The following NSRP1 variants were observed in gnomAD, a reference collection of about 807,000 sequenced individuals.
NSRP1 encodes the protein coiled-coil domain containing 55.
A neutral mutation model predicts 54.7 loss-of-function variants in NSRP1; 24 were observed. The ratio of observed to expected loss-of-function variants is 0.44; its 90% CI spans 0.32 to 0.62. The LOEUF (loss-of-function observed/expected upper bound fraction) is 0.62. Ranked by LOEUF, NSRP1 falls within the 20% of genes least tolerant of loss-of-function variation. The pLI, the probability that NSRP1 is intolerant of heterozygous loss-of-function variation, is 0.06. For missense variants in NSRP1, 596 were observed against 651.2 expected, an observed-to-expected ratio of 0.92 and a Z score of 0.92; for synonymous variants, 210 against 213.8, an observed-to-expected ratio of 0.98 and a Z score of 0.15.
chr17:30,133,169 T>C (rs1777184432), intron 2 of NSRP1, among the ~76,000 whole-genome samples: 1 of 150,352 alleles, frequency 6.7e-6, no homozygotes. Context: ...CCCAGTATGG[T>C]CTCAAACTCC....
At chr17:30,177,256 A>G (rs545721753) in intron 3 of NSRP1, among the ~76,000 whole-genome samples, 8 of 152,204 alleles carry the variant, frequency 5.3e-5, no homozygotes, top group Admixed American at 5.2e-4. Flanking sequence ...CTGTAGTCCC[A>G]GCTACTTGGG....
At chr17:30,179,048 C>T in intron 4 of NSRP1, 42 bp from the exon 5 acceptor site, 4 of 1,199,840 alleles carry the variant, frequency 3.3e-6, no homozygotes, top group South Asian at 4.1e-5. Flanking sequence ...TTAACAATTA[C>T]TATTTTTTTA....
chr17:30,151,275 A>T (rs2071906770), intron 2 of NSRP1, among the ~76,000 whole-genome samples: 1 of 152,166 alleles, frequency 6.6e-6, no homozygotes, highest in African/African-American at 2.4e-5. Context: ...CATGATTGCA[A>T]ATACAGTTGA....
At chr17:30,142,227 G>A (rs2071811834) in intron 2 of NSRP1, among the ~76,000 whole-genome samples, 3 of 152,026 alleles carry the variant, frequency 2.0e-5, no homozygotes, top group Admixed American at 6.6e-5. Context: ...TATGGTTATA[G>A]TATTTTAAAT....
intron 2 of NSRP1, among the ~76,000 whole-genome samples, chr17:30,133,894 T>A (rs1301049997): frequency 6.6e-6 from 1 of 152,242 alleles, no homozygotes; most frequent in Non-Finnish European, 1.5e-5. Context: ...AACTTTTAAT[T>A]TCCTTCCATA....
chr17:30,158,351 A>G lies in NSRP1; in HGVS notation c.115-14191A>G, dbSNP rs565509953. Among the ~76,000 whole-genome samples the G allele has an allele frequency of 4.1e-5, 5 of 122,456 alleles. No homozygotes were observed. In the South Asian group the frequency reaches 1.0e-3, roughly 25 times the overall value. 80.3% of individuals were successfully genotyped at this position (122,456 alleles called of 152,430 possible). A position where few individuals can be genotyped will look rare whatever the true frequency, so the allele number is the denominator to read the frequency against. On this transcript the variant is annotated intron_variant, in intron 2 of 6. Transcript: ENST00000247026. ...TATTGAGTTGTTTTGAGTTCCTTCT[A>G]TATTCTGGATATTAGTCACTTGTCA... is the stretch of plus-strand genomic sequence containing the variant.
intron 2 of NSRP1, among the ~76,000 whole-genome samples, chr17:30,153,978 C>T (rs867805980): frequency 1.3e-5 from 2 of 152,096 alleles, no homozygotes; most frequent in South Asian, 2.1e-4. Flanking sequence ...CTCTAGATTT[C>T]GTCCTGGATT....
At chr17:30,129,662 T>C (rs952994260) in intron 2 of NSRP1, among the ~76,000 whole-genome samples, 1 of 152,206 alleles carries the variant, frequency 6.6e-6, no homozygotes, top group African/African-American at 2.4e-5. Flanking sequence ...AAAATTTTAA[T>C]CTGTCTGAAC....
At chr17:30,152,277 T>G (rs1354751805) in intron 2 of NSRP1, among the ~76,000 whole-genome samples, 1 of 151,940 alleles carries the variant, frequency 6.6e-6, no homozygotes, top group Admixed American at 6.6e-5. Context: ...CATGCACCAC[T>G]GTGCCCAGCT....
intron 2 of NSRP1, among the ~76,000 whole-genome samples, chr17:30,152,196 C>G (rs537660523): frequency 6.6e-6 from 1 of 151,900 alleles, no homozygotes; most frequent in African/African-American, 2.4e-5. Context: ...GATCTCGGCT[C>G]ACGGCAACCT....
intron 2 of NSRP1, among the ~76,000 whole-genome samples, chr17:30,135,135 T>C (rs1403479583): frequency 6.6e-6 from 1 of 152,164 alleles, no homozygotes; most frequent in Admixed American, 6.6e-5. Context: ...CTTTCTTTAT[T>C]TGAGACAGGG....
intron 2 of NSRP1, among the ~76,000 whole-genome samples, chr17:30,165,356 G>A (rs1904692208): frequency 6.6e-6 from 1 of 152,162 alleles, no homozygotes; most frequent in South Asian, 2.1e-4. Flanking sequence ...AATAAGCAGT[G>A]TGGGTGTACC....
At chr17:30,137,994 A>C (rs981038219) in intron 2 of NSRP1, among the ~76,000 whole-genome samples, 3 of 152,140 alleles carry the variant, frequency 2.0e-5, no homozygotes, top group African/African-American at 7.2e-5. Flanking sequence ...GTGTATACTC[A>C]TTATATAATA....
intron 2 of NSRP1, among the ~76,000 whole-genome samples, chr17:30,171,972 ACTCC>A (rs1197901186): frequency 0.01 from 487 of 46,630 alleles, 2 homozygotes; most frequent in African/African-American, 0.027. Flanking sequence ...ACACACACAC[ACTCC>A]CTCTCTCTCT....
In NSRP1 at chr17:30,121,571, T is replaced by G. The variant is rs555436194; in HGVS notation, c.114+3398T>G. On this transcript the variant is annotated intron_variant, in intron 2 of 6. Transcript: ENST00000247026. Reference sequence around the variant, plus strand: ...CTGTGTGTGTGCGTGTGTGTGTGTGTTTTTTTTTTTTTTTGAGACGGAGTC... The same window carrying G: ...CTGTGTGTGTGCGTGTGTGTGTGTGGTTTTTTTTTTTTTTGAGACGGAGTC... 1.7e-3 allele frequency among the ~76,000 whole-genome samples: 151 copies of G among 91,510 alleles called. 2 individuals are homozygous for G. Among genetic ancestry groups the G allele is most frequent in the Middle Eastern group, 0.015 (3 of 196 alleles). 60.0% of individuals were successfully genotyped at this position (91,510 alleles called of 152,430 possible).
intron 2 of NSRP1, among the ~76,000 whole-genome samples, chr17:30,130,416 C>G (rs1418933268): frequency 5.3e-5 from 8 of 151,980 alleles, no homozygotes; most frequent in Non-Finnish European, 1.2e-4. Context: ...GTCTTTTTAA[C>G]CATTGTTTTC....
At chr17:30,131,696 G>C (rs2071701558) in intron 2 of NSRP1, among the ~76,000 whole-genome samples, 1 of 152,122 alleles carries the variant, frequency 6.6e-6, no homozygotes, top group Non-Finnish European at 1.5e-5. Flanking sequence ...GATGTTTGCT[G>C]AAGGCTGGGT....
intron 4 of NSRP1, 122 bp from the exon 5 acceptor site, chr17:30,178,968 A>G (rs1387819966): frequency 3.7e-6 from 2 of 536,610 alleles, no homozygotes; most frequent in Non-Finnish European, 6.0e-6. Context: ...TTTATATTGA[A>G]TGTAGGGAAG....
chr17:30,130,776 A>G (rs1054665731), intron 2 of NSRP1, among the ~76,000 whole-genome samples: 4 of 152,242 alleles, frequency 2.6e-5, no homozygotes, highest in Admixed American at 2.6e-4. Context: ...CCAGGAATAC[A>G]CTGTTTCTTT....
Sources: gnomAD v4.1 joint callset for allele counts (sites outside exome capture counted in the v4.1 genomes callset) on GRCh38, gnomAD v4.1.1 for gene constraint, MANE v1.5 for transcripts, NCBI Gene and HGNC (gene_info 2026-07-23, HGNC 2026-07-21) for gene names.